The following USH1C variants were observed in gnomAD, a reference collection of about 807,000 sequenced individuals.
The protein encoded by USH1C is harmonin.
In USH1C, 90 loss-of-function variants were observed where a neutral mutation model predicts 119.3. The observed-to-expected ratio is 0.75, with a 90% CI of 0.64 to 0.90. The LOEUF (loss-of-function observed/expected upper bound fraction) is 0.90, where lower values mean the gene tolerates loss of function less well. Ranked by LOEUF, USH1C falls within the 40% of genes least tolerant of loss-of-function variation. The probability of loss-of-function intolerance (pLI) is 0.00; values close to 1 mark genes in which losing one functional copy is unlikely to be tolerated. For synonymous variants in USH1C, 465 were observed against 443.3 expected (o/e 1.05, Z -0.62); for missense variants, 1,165 against 1,167.7 (o/e 1.00, Z 0.03).
At chr11:17,503,958 T>C (rs925957541) in intron 20 of USH1C, among the ~76,000 whole-genome samples, 7 of 152,274 alleles carry the variant, frequency 4.6e-5, no homozygotes, top group African/African-American at 1.7e-4. Flanking sequence ...GGTCTGTTGG[T>C]GGGTTATCAG....
In USH1C at chr11:17,531,266, C is replaced by G; in HGVS notation, c.275G>C (p.Arg92Pro). The G allele has an allele frequency of 6.2e-7, 1 of 1,614,128 alleles. No homozygotes were observed. The highest frequency in any genetic ancestry group is 8.5e-7 in the Non-Finnish European group (1 of 1,180,044). Residue 92 changes from arginine (R) to proline (P), a missense_variant, in exon 4 of 27, where the codon CGT becomes CCT. Arg to Pro is a moderately radical substitution (Grantham distance 103). Transcript: ENST00000005226. This position sits in a 1 kb window ranked among gnomAD's most constrained non-coding sequence, Gnocchi z 4.2. ...CAGGCCGAGGCCTTCGGGGTGCAGACGGTCCAGACGCACCTCCTTCAGCTT... is the reference window on the plus strand; with the variant it reads ...CAGGCCGAGGCCTTCGGGGTGCAGAGGGTCCAGACGCACCTCCTTCAGCTT... ...SRKLKEVRLD[R>P]LHPEGLGLSV...
At position 17,522,801 on chromosome 11, in the gene USH1C, C is replaced by A; in HGVS notation, c.1002G>T (p.Gln334His). 1 of 1,614,026 alleles carries A rather than the reference C, an allele frequency of 6.2e-7. No individual in the cohort carries two copies. The highest frequency in any genetic ancestry group is 2.2e-5 in the East Asian group (1 of 44,872). Residue 334 changes from glutamine to histidine, a missense_variant, in exon 12 of 27, where the codon CAG becomes CAT. By Grantham distance (24) the Gln-to-His change is conservative. Coordinates refer to ENST00000005226, the MANE Select transcript of USH1C (RefSeq NM_153676.4). ...GCACTCACTGCCGCTCCATCTCCTG[C>A]TGCTCCTGGAGGATCTTGTTGGACT... is the stretch of plus-strand genomic sequence containing the variant. The part of the protein sequence containing the change: ...AMESNKILQE[Q>H]QEMERQRRKE...
chr11:17,515,501 G>A (rs561700156), intron 15 of USH1C, among the ~76,000 whole-genome samples: 6 of 152,232 alleles, frequency 3.9e-5, no homozygotes, highest in South Asian at 4.1e-4. Context: ...GCCAGAAAGC[G>A]CTGGTCAAGT....
chr11:17,541,484 T>C (rs1851463514), intron 1 of USH1C, among the ~76,000 whole-genome samples: 1 of 152,234 alleles, frequency 6.6e-6, no homozygotes, highest in Non-Finnish European at 1.5e-5. Context: ...TCAGGCAGAA[T>C]ACACAGCTAT....
At chr11:17,517,441 G>T in intron 14 of USH1C, 1 of 1,595,994 alleles carries the variant, frequency 6.3e-7, no homozygotes, top group Non-Finnish European at 8.5e-7. Flanking sequence ...CAGGTCATCT[G>T]CGGGCTCGAG....
intron 25 of USH1C, 81 bp from the exon 26 acceptor site, chr11:17,495,758 C>T: frequency 1.4e-6 from 2 of 1,461,736 alleles, no homozygotes; most frequent in Non-Finnish European, 1.9e-6. Context: ...TCTCCTTTCA[C>T]TGGGCTCCTG....
At chr11:17,536,655 C>T (rs773799979) in intron 1 of USH1C, among the ~76,000 whole-genome samples, 12 of 152,176 alleles carry the variant, frequency 7.9e-5, no homozygotes, top group Non-Finnish European at 1.5e-4. Context: ...CCACTGTCAC[C>T]GGTTAGGTCA....
chr11:17,520,761 CAGCCCAGAGCACCA>C, intron 14 of USH1C, 95 bp downstream of exon 14: 1 of 1,367,334 alleles, frequency 7.3e-7, no homozygotes, highest in Admixed American at 1.7e-5. Context: ...GAAGGAACCA[CAGCCCAGAGCACCA>C]AGGGCTATCC....
At chr11:17,529,629 A>C (rs1372697262) in intron 4 of USH1C, among the ~76,000 whole-genome samples, 2 of 152,228 alleles carry the variant, frequency 1.3e-5, no homozygotes, top group Non-Finnish European at 2.9e-5. Context: ...CCCAGTCGGA[A>C]TGATTCCCAC....
Position 17,510,540 on chromosome 11 carries a change from G to A in USH1C, c.1414-19C>T, listed in dbSNP as rs369906387. On this transcript the variant is annotated intron_variant, in intron 16 of 26. Coordinates refer to ENST00000005226, the MANE Select transcript of USH1C (RefSeq NM_153676.4). ...CAGACACCTGGGACCCAGGATCGGC[G>A]CAGAAAGGAGAGGACAAAGGGCACA... 9.4e-6 allele frequency: 15 copies of A among 1,587,742 alleles called. No homozygotes were observed. Among genetic ancestry groups the A allele is most frequent in the African/African-American group, 2.7e-5 (2 of 74,402 alleles).
chr11:17,539,218 C>T (rs1051991006), intron 1 of USH1C, among the ~76,000 whole-genome samples: 6 of 152,180 alleles, frequency 3.9e-5, no homozygotes, highest in Non-Finnish European at 8.8e-5. Flanking sequence ...CACACAACAG[C>T]ACTTTGTCCC....
intron 17 of USH1C, 68 bp downstream of exon 17, chr11:17,510,337 C>A: frequency 7.4e-7 from 1 of 1,343,622 alleles, no homozygotes; most frequent in Admixed American, 1.7e-5. Flanking sequence ...TCTCACCTCC[C>A]GCTGTCCCCA....
chr11:17,524,470 G>A lies in USH1C; in HGVS notation c.740C>T (p.Ser247Phe). 1 of 1,574,714 alleles carries A rather than the reference G, an allele frequency of 6.4e-7. No homozygotes were observed. The highest frequency in any genetic ancestry group is 8.6e-7 in the Non-Finnish European group (1 of 1,158,478). The stretch of plus-strand genomic sequence containing the variant: ...ACTCACCTCCAATCCCACCTCAGCA[G>A]ACAGGGAGCCAGGTTTCACATGGCT... Reference protein sequence around the residue: ...FISHVKPGSLSAEVGLEIGDQ... With the variant: ...FISHVKPGSLFAEVGLEIGDQ... The change falls in exon 9 of 27, where the codon TCT (serine) becomes TTT (phenylalanine). Residue 247 changes from serine to phenylalanine, a missense_variant. Coordinates refer to ENST00000005226, the MANE Select transcript of USH1C (RefSeq NM_153676.4).
chr11:17,533,544 C>T, intron 1 of USH1C: 2 of 635,558 alleles, frequency 3.1e-6, no homozygotes, highest in Non-Finnish European at 5.7e-6. Context: ...GCTGCCCCTC[C>T]AGATGTGGCC....
chr11:17,522,959 C>A (rs1319700904), intron 11 of USH1C, 33 bp from the exon 12 acceptor site: 5 of 1,602,226 alleles, frequency 3.1e-6, no homozygotes, highest in Admixed American at 1.7e-5. Flanking sequence ...TTGCTCAGCC[C>A]CCGGGGAACC....
intron 1 of USH1C, among the ~76,000 whole-genome samples, chr11:17,540,564 G>T (rs147949797): frequency 3.3e-5 from 5 of 151,948 alleles, no homozygotes; most frequent in African/African-American, 1.2e-4. Flanking sequence ...CCTCTAGCAG[G>T]CGTCTCAAAC....
At position 17,544,393 on chromosome 11, in the gene USH1C, A is replaced by G; in HGVS notation, c.-86T>C. The G allele has an allele frequency of 6.3e-7, 1 of 1,594,858 alleles. No individual in the cohort carries two copies. The highest frequency in any genetic ancestry group is 8.6e-7 in the Non-Finnish European group (1 of 1,167,588). The stretch of plus-strand genomic sequence containing the variant: ...GGAGCTGGAAAGAGCCGCGACCGCG[A>G]CCGGGCCAGCCGCCCTCGGAGCTGG... On this transcript the variant is annotated 5_prime_UTR_variant, in exon 1 of 27. Transcript: ENST00000005226.
Position 17,528,592 on chromosome 11 carries a change from G to A in USH1C, c.388-1261C>T, listed in dbSNP as rs575354082. 6.1e-4 allele frequency among the ~76,000 whole-genome samples: 93 copies of A among 152,342 alleles called. 1 individual carries two copies. The highest frequency in any genetic ancestry group is 1.1e-3 in the Non-Finnish European group (75 of 68,030). On this transcript the variant is annotated intron_variant, in intron 4 of 26. Transcript: ENST00000005226. ...AGACGTGCTGGCACACGTGAGGGAT[G>A]CAAGCTGGACTCCCTGTGGGTCTAG...
intron 15 of USH1C, among the ~76,000 whole-genome samples, chr11:17,515,065 T>TTG (rs61540326): frequency 2.5e-3 from 375 of 150,064 alleles, no homozygotes; most frequent in Middle Eastern, 6.8e-3. Context: ...GTGTGTGTGC[T>TTG]TGTGTGTGTG....
Sources: allele counts gnomAD v4.1 joint callset (sites outside exome capture counted in the v4.1 genomes callset), GRCh38; gene constraint gnomAD v4.1.1; non-coding constraint Gnocchi (gnomAD v3.1); transcripts MANE v1.5; gene names NCBI Gene and HGNC (gene_info 2026-07-23, HGNC 2026-07-21).